KDM4C: variants seen among roughly 807,000 people sequenced by gnomAD.
KDM4C encodes lysine-specific demethylase 4C.
Under a neutral mutation model 129.3 loss-of-function variants are expected in KDM4C, and 81 were observed. The observed-to-expected ratio is 0.63, with a 90% CI of 0.52 to 0.75. KDM4C has a LOEUF of 0.75. Among genes scored for constraint, KDM4C ranks in the 30% least tolerant of loss-of-function variants. The pLI, the probability that KDM4C is intolerant of heterozygous loss-of-function variation, is 0.00. For synonymous variants in KDM4C, 573 were observed against 456.1 expected (o/e 1.26, Z -3.26); for missense variants, 1,457 against 1,304.0 (o/e 1.12, Z -1.81).
chr9:6,757,658 G>A, upstream of KDM4C: 1 of 985,518 alleles, frequency 1.0e-6, no homozygotes, highest in Non-Finnish European at 1.2e-6. Context: ...GTGCGCGTCG[G>A]CGCCCAGGAG....
At chr9:7,129,589 C>T (rs970022349) in intron 19 of KDM4C, among the ~76,000 whole-genome samples, 1 of 152,076 alleles carries the variant, frequency 6.6e-6, no homozygotes, top group Non-Finnish European at 1.5e-5. Context: ...TTACTTACCA[C>T]ACTAGGTGCT....
At chr9:7,103,315 T>G (rs772563789) in intron 17 of KDM4C, among the ~76,000 whole-genome samples, 4 of 152,222 alleles carry the variant, frequency 2.6e-5, no homozygotes, top group African/African-American at 4.8e-5. Flanking sequence ...GAAAGACCTG[T>G]CATGCAGGAG....
intron 15 of KDM4C, among the ~76,000 whole-genome samples, chr9:7,029,827 C>T (rs1171543405): frequency 1.3e-5 from 2 of 152,166 alleles, no homozygotes; most frequent in Non-Finnish European, 2.9e-5. Context: ...ACATCCAACT[C>T]CCTTTTATGA....
chr9:6,832,183 A>G (rs1486439167), intron 4 of KDM4C, among the ~76,000 whole-genome samples: 4 of 151,726 alleles, frequency 2.6e-5, no homozygotes, highest in South Asian at 4.2e-4. Context: ...CTAAAAAAAT[A>G]CAAAAAATTA....
intron 15 of KDM4C, among the ~76,000 whole-genome samples, chr9:7,045,605 G>C (rs1317653813): frequency 6.6e-6 from 1 of 152,000 alleles, no homozygotes; most frequent in East Asian, 1.9e-4. Flanking sequence ...TTGTGGTATG[G>C]ATAGAGAAAA....
chr9:6,908,399 G>T (rs1006807774), intron 8 of KDM4C, among the ~76,000 whole-genome samples: 1 of 152,198 alleles, frequency 6.6e-6, no homozygotes, highest in African/African-American at 2.4e-5. Context: ...AAATGAAATA[G>T]AATGTATTGG....
At position 6,876,799 on chromosome 9, in the gene KDM4C, T is replaced by G. The variant is rs141382278; in HGVS notation, c.630-3213T>G. Among the ~76,000 whole-genome samples the G allele has an allele frequency of 5.4e-3, 817 of 152,274 alleles. 15 individuals are homozygous for G. The highest frequency in any genetic ancestry group is 0.019 in the African/African-American group (790 of 41,558). On this transcript the variant is annotated intron_variant, in intron 5 of 21. Coordinates refer to ENST00000381309, the MANE Select transcript of KDM4C (RefSeq NM_015061.6). ...TGTCTGTCAGCCTACACACATAGAC[T>G]GCAGGTTTGAAAGTGCTATGTGAAG...
intron 12 of KDM4C, among the ~76,000 whole-genome samples, chr9:6,993,049 C>G (rs542106035): frequency 6.6e-6 from 1 of 152,242 alleles, no homozygotes; most frequent in African/African-American, 2.4e-5. Context: ...CCTGAAACAC[C>G]ATAGATCATT....
chr9:7,126,207 GA>G (rs1347626037), intron 18 of KDM4C, among the ~76,000 whole-genome samples: 2 of 152,170 alleles, frequency 1.3e-5, no homozygotes, highest in Non-Finnish European at 2.9e-5. Flanking sequence ...GGAAGGAGAA[GA>G]GGGGGAGGGA....
intron 8 of KDM4C, among the ~76,000 whole-genome samples, chr9:6,905,660 A>G (rs1477905977): frequency 6.6e-6 from 1 of 152,230 alleles, no homozygotes; most frequent in African/African-American, 2.4e-5. Flanking sequence ...GGGTTTAACT[A>G]TAGCAGGGTA....
chr9:7,032,993 C>G (rs550574552), intron 15 of KDM4C, among the ~76,000 whole-genome samples: 1 of 152,228 alleles, frequency 6.6e-6, no homozygotes, highest in Admixed American at 6.5e-5. Flanking sequence ...AATTCAATTT[C>G]CCAACTGACA....
intron 8 of KDM4C, among the ~76,000 whole-genome samples, chr9:6,962,191 A>T (rs12006457): frequency 2.6e-5 from 4 of 152,242 alleles, no homozygotes; most frequent in African/African-American, 9.6e-5. Flanking sequence ...ATTTAAATAT[A>T]TCTTGTACTT....
chr9:6,825,579 T>G (rs1279050770), intron 4 of KDM4C, among the ~76,000 whole-genome samples: 1 of 152,228 alleles, frequency 6.6e-6, no homozygotes, highest in Non-Finnish European at 1.5e-5. Context: ...GGGTACATCA[T>G]GTCCTGTGTT....
intron 17 of KDM4C, among the ~76,000 whole-genome samples, chr9:7,059,927 A>C (rs1831379114): frequency 6.6e-6 from 1 of 152,128 alleles, no homozygotes; most frequent in Non-Finnish European, 1.5e-5. Context: ...TTGTTAGATA[A>C]AACCCACATA....
chr9:6,744,839 G>A (rs1210189633), intron 1 of KDM4C, among the ~76,000 whole-genome samples: 1 of 149,790 alleles, frequency 6.7e-6, no homozygotes, highest in Non-Finnish European at 1.5e-5. Context: ...ACTGCAGAAG[G>A]CACCAGGGCA....
At chr9:6,806,097 C>T (rs750760831) in intron 3 of KDM4C, among the ~76,000 whole-genome samples, 8 of 152,064 alleles carry the variant, frequency 5.3e-5, no homozygotes, top group Non-Finnish European at 8.8e-5. Context: ...AATGTTTAAG[C>T]CTTAAATGAT....
chr9:7,025,974 G>A (rs952636892), intron 15 of KDM4C, among the ~76,000 whole-genome samples: 4 of 152,132 alleles, frequency 2.6e-5, no homozygotes, highest in Non-Finnish European at 5.9e-5. Context: ...GGAGGCTGAG[G>A]TGGGCTGATC....
At chr9:7,129,656 G>A (rs932953840) in intron 19 of KDM4C, among the ~76,000 whole-genome samples, 7 of 151,996 alleles carry the variant, frequency 4.6e-5, no homozygotes, top group African/African-American at 1.7e-4. Context: ...GGAGGTAGGC[G>A]GGTAAATGGA....
chr9:7,109,519 G>A (rs7860305), intron 18 of KDM4C, among the ~76,000 whole-genome samples: 6 of 152,000 alleles, frequency 3.9e-5, no homozygotes, highest in Non-Finnish European at 5.9e-5. Flanking sequence ...TTACATTTCA[G>A]CATATACGCA....
Sources: gnomAD v4.1 joint callset for allele counts (sites outside exome capture counted in the v4.1 genomes callset) on GRCh38, gnomAD v4.1.1 for gene constraint, MANE v1.5 for transcripts, NCBI Gene and HGNC (gene_info 2026-07-23, HGNC 2026-07-21) for gene names.